The following AGBL1 variants were observed in gnomAD, a reference collection of about 807,000 sequenced individuals.
AGBL1 encodes the protein cytosolic carboxypeptidase 4.
Under a neutral mutation model 118.9 loss-of-function variants are expected in AGBL1, and 130 were observed. That is an observed-to-expected ratio of 1.09 (90% CI 0.95 to 1.26). The LOEUF (loss-of-function observed/expected upper bound fraction) is 1.26. Among genes scored for constraint, AGBL1 ranks in the 50% most tolerant of loss-of-function variants. The pLI is 0.00. For missense variants in AGBL1, 1,584 were observed against 1,298.1 expected, an observed-to-expected ratio of 1.22 and a Z score of -3.38; for synonymous variants, 555 against 478.9, an observed-to-expected ratio of 1.16 and a Z score of -2.08.
intron 22 of AGBL1, among the ~76,000 whole-genome samples, chr15:86,715,748 T>C (rs987678213): frequency 3.3e-5 from 5 of 152,058 alleles, no homozygotes; most frequent in African/African-American, 1.2e-4. Context: ...TTTTAATTGA[T>C]TAGTTTGTGG....
chr15:86,747,749 A>G (rs1399803130), intron 22 of AGBL1, among the ~76,000 whole-genome samples: 2 of 152,006 alleles, frequency 1.3e-5, no homozygotes, highest in African/African-American at 4.8e-5. Flanking sequence ...TGTTCTTGAG[A>G]TACTTTGCTG....
chr15:86,209,814 A>G (rs1254697840), intron 5 of AGBL1, among the ~76,000 whole-genome samples: 2 of 152,184 alleles, frequency 1.3e-5, no homozygotes, highest in Non-Finnish European at 2.9e-5. Context: ...GCCCATTTAC[A>G]TTTAATTTTA....
intron 22 of AGBL1, among the ~76,000 whole-genome samples, chr15:86,883,890 A>C (rs2079932188): frequency 6.6e-6 from 1 of 152,220 alleles, no homozygotes; most frequent in South Asian, 2.1e-4. Flanking sequence ...AATCAGAACC[A>C]GAATATGTAT....
intron 22 of AGBL1, among the ~76,000 whole-genome samples, chr15:86,716,970 C>G (rs2086648409): frequency 6.6e-6 from 1 of 152,078 alleles, no homozygotes. Context: ...TTGTTTTTAC[C>G]TTTAAGGCAG....
chr15:86,848,738 A>G (rs1439365597), intron 22 of AGBL1, among the ~76,000 whole-genome samples: 1 of 152,212 alleles, frequency 6.6e-6, no homozygotes, highest in Non-Finnish European at 1.5e-5. Flanking sequence ...AGTGAGACAA[A>G]GCATTAGACT....
At chr15:87,008,097 G>T (rs1450134425) in intron 24 of AGBL1, among the ~76,000 whole-genome samples, 1 of 152,190 alleles carries the variant, frequency 6.6e-6, no homozygotes, top group African/African-American at 2.4e-5. Flanking sequence ...AGCTGGTAAG[G>T]CATTATTTCT....
intron 22 of AGBL1, among the ~76,000 whole-genome samples, chr15:86,897,823 G>A (rs530164892): frequency 3.3e-4 from 43 of 129,916 alleles, no homozygotes; most frequent in Middle Eastern, 5.1e-3. Flanking sequence ...AGGCTGAAGC[G>A]CAGTGGCACA....
chr15:86,601,085 T>C (rs1266732511), intron 21 of AGBL1, among the ~76,000 whole-genome samples: 4 of 152,194 alleles, frequency 2.6e-5, no homozygotes, highest in Non-Finnish European at 4.4e-5. Context: ...CATTTCATCT[T>C]ATTTGCATTA....
intron 22 of AGBL1, among the ~76,000 whole-genome samples, chr15:86,762,116 G>A (rs2078034428): frequency 6.6e-6 from 1 of 152,064 alleles, no homozygotes; most frequent in African/African-American, 2.4e-5. Context: ...ACTAACACAG[G>A]AACAGAAAAC....
At chr15:86,123,787 C>T (rs1441940971) in intron 1 of AGBL1, among the ~76,000 whole-genome samples, 1 of 152,190 alleles carries the variant, frequency 6.6e-6, no homozygotes, top group Non-Finnish European at 1.5e-5. Context: ...CACATGTTCT[C>T]AGGATCTCCT....
chr15:86,704,660 A>C (rs2086416921), intron 22 of AGBL1, among the ~76,000 whole-genome samples: 1 of 152,208 alleles, frequency 6.6e-6, no homozygotes, highest in South Asian at 2.1e-4. Flanking sequence ...GTGGAGAAAC[A>C]GGAACGCTTT....
intron 21 of AGBL1, among the ~76,000 whole-genome samples, chr15:86,638,048 A>T (rs1276362415): frequency 6.6e-6 from 1 of 152,246 alleles, no homozygotes; most frequent in East Asian, 1.9e-4. Flanking sequence ...AGGAAAAAAA[A>T]TCCTTTATAC....
In AGBL1 at chr15:86,715,291, G is replaced by A. The variant is rs114271050; in HGVS notation, c.3158+40855G>A. 2.7e-3 allele frequency among the ~76,000 whole-genome samples: 405 copies of A among 152,260 alleles called. 1 individual carries two copies. Among genetic ancestry groups the A allele is most frequent in the African/African-American group, 9.2e-3 (382 of 41,558 alleles). On this transcript the variant is annotated intron_variant, in intron 22 of 22. Transcript: ENST00000614907. ...GTTGCTGTTCACTATTTCTATAATGGCAAATTATCCTTATCACCCAGCGGA... is the reference window on the plus strand; with the variant it reads ...GTTGCTGTTCACTATTTCTATAATGACAAATTATCCTTATCACCCAGCGGA...
At chr15:86,724,108 C>T (rs1308271617) in intron 22 of AGBL1, among the ~76,000 whole-genome samples, 6 of 151,722 alleles carry the variant, frequency 4.0e-5, no homozygotes, top group African/African-American at 7.3e-5. Context: ...CGGTGGCGGG[C>T]GCCTGTAGTC....
chr15:86,289,136 A>T (rs549290582), intron 16 of AGBL1, among the ~76,000 whole-genome samples: 1 of 152,254 alleles, frequency 6.6e-6, no homozygotes, highest in African/African-American at 2.4e-5. Flanking sequence ...CTCTCCTTTA[A>T]AAGTGCCTCT....
intron 17 of AGBL1, among the ~76,000 whole-genome samples, chr15:86,315,155 C>T (rs1445123348): frequency 1.3e-5 from 2 of 152,154 alleles, no homozygotes; most frequent in Non-Finnish European, 1.5e-5. Flanking sequence ...TATACAATGC[C>T]ATTTTAATAC....
rs765233412 is a variant in AGBL1, at chr15:86,545,995, A to G, written c.2686-7A>G. 7 of 1,612,244 alleles carry G rather than the reference A, an allele frequency of 4.3e-6. No individual in the cohort carries two copies. Among genetic ancestry groups the G allele is most frequent in the Non-Finnish European group, 5.1e-6 (6 of 1,178,788 alleles). On this transcript the variant is annotated splice_polypyrimidine_tract_variant and splice_region_variant and intron_variant, in intron 19 of 22. Coordinates refer to ENST00000614907, the MANE Select transcript of AGBL1 (RefSeq NM_001386094.1). The stretch of plus-strand genomic sequence containing the variant: ...GTTTTATTTTCTCCTTTGTTGGGCT[A>G]TTGTAGGTTTTCTGTGACTTCCATG...
chr15:86,554,548 C>G lies in AGBL1; in HGVS notation c.2994+11C>G. On this transcript the variant is annotated intron_variant, in intron 21 of 22. Transcript: ENST00000614907. Reference sequence around the variant, plus strand: ...CAGGGCCCTTATCAGGTATGTGAGGCTGCAGGACACCCATACTTTCTGTCC... The same window carrying G: ...CAGGGCCCTTATCAGGTATGTGAGGGTGCAGGACACCCATACTTTCTGTCC... The G allele has an allele frequency of 6.8e-7, 1 of 1,475,064 alleles. No homozygotes were observed. Among genetic ancestry groups the G allele is most frequent in the South Asian group, 1.4e-5 (1 of 70,024 alleles). The allele number at this position is 1,475,064 out of a possible 1,614,324, so 91.4% of individuals were successfully genotyped here. A position where few individuals can be genotyped will look rare whatever the true frequency, so the allele number is the denominator to read the frequency against.
chr15:86,286,735 G>GTATGTGTATATATATATATATATATATA (rs2079457877), intron 16 of AGBL1, among the ~76,000 whole-genome samples: 2 of 106,292 alleles, frequency 1.9e-5, no homozygotes, highest in African/African-American at 3.9e-5. Flanking sequence ...GTTTGTGTGT[G>GTATGTGTATATATATATATATATATATA]TATATATATA....
Sources: allele counts gnomAD v4.1 joint callset (sites outside exome capture counted in the v4.1 genomes callset), GRCh38; gene constraint gnomAD v4.1.1; transcripts MANE v1.5; gene names NCBI Gene and HGNC (gene_info 2026-07-23, HGNC 2026-07-21).